Variants in HEMK1 observed in about 807,000 individuals in gnomAD.
The protein encoded by HEMK1 is HemK methyltransferase 1, mitochondrial release factors N(5)-glutamine, also known as MTRF1L release factor glutamine methyltransferase.
Under a neutral mutation model 47.9 loss-of-function variants are expected in HEMK1, and 36 were observed. The ratio of observed to expected loss-of-function variants is 0.75; its 90% CI spans 0.58 to 0.99. HEMK1 has a LOEUF of 0.99. Among genes scored for constraint, HEMK1 ranks in the 50% least tolerant of loss-of-function variants. The probability of loss-of-function intolerance (pLI) is 0.00; values close to 1 mark genes in which losing one functional copy is unlikely to be tolerated. For synonymous variants in HEMK1, 153 were observed against 165.4 expected, an observed-to-expected ratio of 0.93 and a Z score of 0.57; for missense variants, 383 against 434.5, an observed-to-expected ratio of 0.88 and a Z score of 1.05.
rs141515869 is a variant in HEMK1 at position 50,585,588 on chromosome 3, C to T, written c.*5171C>T. On this transcript the variant is annotated 3_prime_UTR_variant, in exon 11 of 11. Coordinates refer to ENST00000232854, the MANE Select transcript of HEMK1 (RefSeq NM_016173.5). ...TGGGGCTCCTGAAGCCAGTCCTAAC[C>T]CAGGAGCCACATGGAGAGCTACTGG... 3.9e-5 allele frequency: 6 copies of T among 152,328 alleles called. No homozygotes were observed. In the East Asian group the frequency reaches 7.7e-4, roughly 20 times the overall value. 9.4% of individuals were successfully genotyped at this position (152,328 alleles called of 1,614,324 possible). A position where few individuals can be genotyped will look rare whatever the true frequency, so the allele number is the denominator to read the frequency against.
intron 2 of HEMK1, 38 bp downstream of exon 2, chr3:50,571,370 G>A: frequency 1.4e-6 from 2 of 1,457,038 alleles, no homozygotes; most frequent in South Asian, 2.6e-5. Flanking sequence ...GGAAGAGGGA[G>A]GAGGGAGGAC....
chr3:50,579,987 G>A, intron 9 of HEMK1, 48 bp downstream of exon 9: 1 of 1,555,526 alleles, frequency 6.4e-7, no homozygotes, highest in South Asian at 1.1e-5. Context: ...AGGCTCCTCT[G>A]CTCCTAATGT....
rs747724090 is a variant in HEMK1 at position 50,578,804 on chromosome 3, CTCT to C, written c.665-12_665-10del. 5 of 1,575,402 alleles carry C rather than the reference CTCT, an allele frequency of 3.2e-6. No individual in the cohort carries two copies. The South Asian group carries it at 3.4e-5, about 11-fold the overall frequency. On this transcript the variant is annotated splice_polypyrimidine_tract_variant and intron_variant, in intron 7 of 10. Transcript: ENST00000232854. Reference sequence around the variant, plus strand: ...AATGGGTTAGTCCCTACTGTGTGTCCTCTTCTTTGACGACAGAAAGGAGCTGGA... The same window carrying C: ...AATGGGTTAGTCCCTACTGTGTGTCCTCTTTGACGACAGAAAGGAGCTGGA...
Position 50,580,885 on chromosome 3 carries a change from C to G in HEMK1, c.*468C>G, listed in dbSNP as rs1045393529. On this transcript the variant is annotated 3_prime_UTR_variant, in exon 11 of 11. Transcript: ENST00000232854. The stretch of plus-strand genomic sequence containing the variant: ...GGGTCCTGGCATAGAGCAGCTCACT[C>G]CCAGGGATTGATTAGTCCTCCACTG... 1.1e-5 allele frequency: 2 copies of G among 183,294 alleles called. No homozygotes were observed. The highest frequency in any genetic ancestry group is 1.2e-4 in the South Asian group (1 of 8,422). 11.4% of individuals were successfully genotyped at this position (183,294 alleles called of 1,614,324 possible).
chr3:50,580,073 C>T (rs752682047), intron 9 of HEMK1, 43 bp from the exon 10 acceptor site: 2 of 1,571,460 alleles, frequency 1.3e-6, no homozygotes, highest in Admixed American at 3.3e-5. Flanking sequence ...AGGGCAGGCG[C>T]CAGACCTGTC....
chr3:50,572,783 C>T (rs530093968), intron 4 of HEMK1, among the ~76,000 whole-genome samples: 11 of 152,332 alleles, frequency 7.2e-5, no homozygotes, highest in African/African-American at 1.2e-4. Context: ...GGATGTGTGG[C>T]GCAAGTGTGT....
chr3:50,580,422 G>T lies in HEMK1; in HGVS notation c.*5G>T. ...ATCCGGAGGTCTGGGCCATAGCATG[G>T]CTGCCCTGTGGATGCCTTGTCAGTG... On this transcript the variant is annotated 3_prime_UTR_variant, in exon 11 of 11. Transcript: ENST00000232854. 1 of 1,614,110 alleles carries T rather than the reference G, an allele frequency of 6.2e-7. No individual in the cohort carries two copies. Among genetic ancestry groups the T allele is most frequent in the South Asian group, 1.1e-5 (1 of 91,080 alleles).
rs143433540 is a variant in HEMK1 at position 50,595,186 on chromosome 3, C to T, written c.*14769C>T. The T allele has an allele frequency of 2.3e-3, 349 of 152,392 alleles. 1 individual carries two copies. The highest frequency in any genetic ancestry group is 3.5e-3 in the Non-Finnish European group (238 of 68,078). 9.4% of individuals were successfully genotyped at this position (152,392 alleles called of 1,614,324 possible). ...CTGGGATTACAGGAGTGAGCCACCG[C>T]GCCCGGCTTATCCGACTTTGAAGCA... On this transcript the variant is annotated 3_prime_UTR_variant, in exon 11 of 11. Coordinates refer to ENST00000232854, the MANE Select transcript of HEMK1 (RefSeq NM_016173.5).
rs2031734912 is a variant in HEMK1, at chr3:50,591,702, G to GTGTGTGTGTGTGTT, written c.*11293_*11294insTGTGTTTGTGTGTG. 1 of 153,510 alleles carries GTGTGTGTGTGTGTT rather than the reference G, an allele frequency of 6.5e-6. No individual in the cohort carries two copies. The highest frequency in any genetic ancestry group is 1.4e-5 in the Non-Finnish European group (1 of 69,162). 9.5% of individuals were successfully genotyped at this position (153,510 alleles called of 1,614,324 possible). A position where few individuals can be genotyped will look rare whatever the true frequency, so the allele number is the denominator to read the frequency against. On this transcript the variant is annotated 3_prime_UTR_variant, in exon 11 of 11. Transcript: ENST00000232854. ...TGTGTGTGTGTGTGTGTGTGTTTGT[G>GTGTGTGTGTGTGTT]TGTGTGTGGTGTTACTCTGCCTCAG...
chr3:50,578,354 C>T (rs1022085381), intron 7 of HEMK1, among the ~76,000 whole-genome samples: 1 of 152,156 alleles, frequency 6.6e-6, no homozygotes, highest in Non-Finnish European at 1.5e-5. Flanking sequence ...CCTCAGTGCC[C>T]CCTCCATGGA....
chr3:50,575,509 G>A (rs544144688), intron 4 of HEMK1, among the ~76,000 whole-genome samples: 2 of 152,192 alleles, frequency 1.3e-5, no homozygotes, highest in South Asian at 4.1e-4. Context: ...GACACACTGC[G>A]ATGAGTCAGA....
At position 50,591,504 on chromosome 3, in the gene HEMK1, C is replaced by G. The variant is rs535226158; in HGVS notation, c.*11087C>G. 6.6e-6 allele frequency: 1 copy of G among 152,586 alleles called. No homozygotes were observed. The highest frequency in any genetic ancestry group is 6.5e-5 in the Admixed American group (1 of 15,314). 9.5% of individuals were successfully genotyped at this position (152,586 alleles called of 1,614,324 possible). ...ACCCTTGCACAGGCACCCACACGTA[C>G]GTGTATGTTCATGGGCGTGGGCCTT... On this transcript the variant is annotated 3_prime_UTR_variant, in exon 11 of 11. Coordinates refer to ENST00000232854, the MANE Select transcript of HEMK1 (RefSeq NM_016173.5).
Position 50,572,114 on chromosome 3 carries a change from G to C in HEMK1, c.321-1G>C. 6.2e-7 allele frequency: 1 copy of C among 1,613,982 alleles called. No homozygotes were observed. The highest frequency in any genetic ancestry group is 8.5e-7 in the Non-Finnish European group (1 of 1,179,958). On this transcript the variant is annotated splice_acceptor_variant, in intron 3 of 10. Transcript: ENST00000232854. LOFTEE classifies it high-confidence loss of function. ...TGACCACCCAGCTGCCCCCTCTGCA[G>C]GATGCCGGTGCAGTACATCCTTGGA...
rs1013025793 is a variant in HEMK1, at chr3:50,584,681, G to A, written c.*4264G>A. The A allele has an allele frequency of 6.6e-6, 1 of 152,194 alleles. No individual in the cohort carries two copies. The highest frequency in any genetic ancestry group is 1.5e-5 in the Non-Finnish European group (1 of 68,030). The allele number at this position is 152,194 out of a possible 1,614,324, so 9.4% of individuals were successfully genotyped here. A position where few individuals can be genotyped will look rare whatever the true frequency, so the allele number is the denominator to read the frequency against. ...AGTCCTGCCAATACCTTGATTTTAA[G>A]CCCTGTGAAACTGATTTCAGATTGC... On this transcript the variant is annotated 3_prime_UTR_variant, in exon 11 of 11. Transcript: ENST00000232854.
In HEMK1 at chr3:50,593,245, T is replaced by C. The variant is rs1196918556; in HGVS notation, c.*12828T>C. 1 of 152,104 alleles carries C rather than the reference T, an allele frequency of 6.6e-6. No homozygotes were observed. The highest frequency in any genetic ancestry group is 1.5e-5 in the Non-Finnish European group (1 of 68,066). 9.4% of individuals were successfully genotyped at this position (152,104 alleles called of 1,614,324 possible). A position where few individuals can be genotyped will look rare whatever the true frequency, so the allele number is the denominator to read the frequency against. ...GCTGTACTAATGCCCTTGGCTTTGC[T>C]ATAGGGAAAGAACACAGCCACTCCA... is the stretch of plus-strand genomic sequence containing the variant. On this transcript the variant is annotated 3_prime_UTR_variant, in exon 11 of 11. Transcript: ENST00000232854.
At chr3:50,576,942 T>C (rs757570579) in intron 4 of HEMK1, 110 bp from the exon 5 acceptor site, 180 of 1,353,236 alleles carry the variant, frequency 1.3e-4, no homozygotes, top group Non-Finnish European at 1.7e-4. Flanking sequence ...AGTCTGGCTT[T>C]GGCTACCTCC....
intron 3 of HEMK1, 108 bp from the exon 4 acceptor site, chr3:50,572,007 G>C: frequency 1.9e-6 from 3 of 1,545,180 alleles, no homozygotes; most frequent in Non-Finnish European, 2.6e-6. Flanking sequence ...AGGCCCTGGA[G>C]ACATGGTCTT....
chr3:50,574,388 G>C, intron 4 of HEMK1, among the ~76,000 whole-genome samples: 1 of 152,202 alleles, frequency 6.6e-6, no homozygotes, highest in East Asian at 1.9e-4. Context: ...GTGCTCTGGA[G>C]TGTTATGGCA....
rs757079781 is a variant in HEMK1, at chr3:50,580,770, G to A, written c.*353G>A. Reference sequence around the variant, plus strand: ...CAAGGGTTTCCTTCTGCCCCAGCAGGGCTGGCCGTCAGTCCCCTGCTTGGT... The same window carrying A: ...CAAGGGTTTCCTTCTGCCCCAGCAGAGCTGGCCGTCAGTCCCCTGCTTGGT... On this transcript the variant is annotated 3_prime_UTR_variant, in exon 11 of 11. Coordinates refer to ENST00000232854, the MANE Select transcript of HEMK1 (RefSeq NM_016173.5). 2.5e-5 allele frequency: 9 copies of A among 353,324 alleles called. No individual in the cohort carries two copies. Among genetic ancestry groups the A allele is most frequent in the African/African-American group, 4.2e-5 (2 of 47,144 alleles). 21.9% of individuals were successfully genotyped at this position (353,324 alleles called of 1,614,324 possible).
Sources: gnomAD v4.1 joint callset for allele counts (sites outside exome capture counted in the v4.1 genomes callset) on GRCh38, gnomAD v4.1.1 for gene constraint, MANE v1.5 for transcripts, NCBI Gene and HGNC (gene_info 2026-07-23, HGNC 2026-07-21) for gene names.